FAAH2: variants seen among roughly 807,000 people sequenced by gnomAD.
FAAH2 encodes the protein fatty acid amide hydrolase 2.
A neutral mutation model predicts 36.9 loss-of-function variants in FAAH2; 60 were observed. The observed-to-expected ratio is 1.63, with a 90% CI of 1.32 to 2.02. The LOEUF (loss-of-function observed/expected upper bound fraction) is 2.02, where lower values mean the gene tolerates loss of function less well. FAAH2 is among the 30% of genes most tolerant of loss of function. The pLI is 0.00. For synonymous variants in FAAH2, 214 were observed against 143.8 expected, an observed-to-expected ratio of 1.49 and a Z score of -3.49; for missense variants, 689 against 397.5, an observed-to-expected ratio of 1.73 and a Z score of -6.23.
the FAAH2 span, among the ~76,000 whole-genome samples, chrX:57,149,478 A>C: frequency 2.7e-5 from 3 of 111,438 alleles, no homozygotes; most frequent in Non-Finnish European, 5.7e-5. Context: ...TTCCTGGTTT[A>C]GTCTTGGGAG....
At chrX:57,170,216 GTA>G in the FAAH2 span, among the ~76,000 whole-genome samples, 1 of 112,015 alleles carries the variant, frequency 8.9e-6, no homozygotes, top group Non-Finnish European at 1.9e-5. Context: ...GAGTCACAGA[GTA>G]TTTGTTGTTG....
At chrX:57,232,148 G>A in the FAAH2 span, among the ~76,000 whole-genome samples, 2 of 111,863 alleles carry the variant, frequency 1.8e-5, no homozygotes, top group Non-Finnish European at 3.8e-5. Flanking sequence ...GGAAGAAAGT[G>A]CTAGCCCCCT....
chrX:57,350,240 C>G (rs1164528939), intron 5 of FAAH2, among the ~76,000 whole-genome samples: 1 of 110,916 alleles, frequency 9.0e-6, no homozygotes, highest in African/African-American at 3.3e-5. Context: ...ATTGGCCCTA[C>G]AAGAAATGCT....
At chrX:57,274,085 AC>A in the FAAH2 span, among the ~76,000 whole-genome samples, 1 of 112,059 alleles carries the variant, frequency 8.9e-6, no homozygotes, top group Non-Finnish European at 1.9e-5. Context: ...GGATATCACC[AC>A]TGATCCCACA....
chrX:57,349,448 GATAC>G lies in FAAH2; in HGVS notation c.742+8062_742+8065del, dbSNP rs199824768. Among the ~76,000 whole-genome samples the G allele has an allele frequency of 7.7e-3, 711 of 92,442 alleles. 8 individuals carry two copies. The highest frequency in any genetic ancestry group is 0.027 in the African/African-American group (675 of 25,401). 80.3% of individuals were successfully genotyped at this position (92,442 alleles called of 115,157 possible). A position where few individuals can be genotyped will look rare whatever the true frequency, so the allele number is the denominator to read the frequency against. ...ACATATATATACATATATACACATA[GATAC>G]ATATATATACATACATGCATATATA... On this transcript the variant is annotated intron_variant, in intron 5 of 10. Coordinates refer to ENST00000374900, the MANE Select transcript of FAAH2 (RefSeq NM_174912.4).
intron 7 of FAAH2, among the ~76,000 whole-genome samples, chrX:57,383,397 T>A (rs375580538): frequency 9.8e-5 from 11 of 112,009 alleles, no homozygotes; most frequent in Non-Finnish European, 1.9e-4. Context: ...CCCTGTTTGC[T>A]GATGACATGA....
At chrX:57,203,050 C>T in the FAAH2 span, among the ~76,000 whole-genome samples, 1 of 111,795 alleles carries the variant, frequency 8.9e-6, no homozygotes. Context: ...GAGACCATAA[C>T]CCAGTGACGC....
intron 5 of FAAH2, among the ~76,000 whole-genome samples, chrX:57,349,324 T>G (rs1177054764): frequency 1.0e-5 from 1 of 97,098 alleles, no homozygotes; most frequent in African/African-American, 3.6e-5. Context: ...TATATACATA[T>G]ATACACATAT....
rs750788586 is a variant in FAAH2 at position 57,316,575 on chromosome X, A to G, written c.412+5846A>G. 3.6e-5 allele frequency among the ~76,000 whole-genome samples: 4 copies of G among 111,120 alleles called. No homozygotes were observed. The East Asian group carries it at 8.5e-4, about 24-fold the overall frequency. Reference sequence around the variant, plus strand: ...AAAACTCAGAAATAAAGTCACACACATACAACCATCTGATCTTTGTCAAGG... The same window carrying G: ...AAAACTCAGAAATAAAGTCACACACGTACAACCATCTGATCTTTGTCAAGG... On this transcript the variant is annotated intron_variant, in intron 3 of 10. Coordinates refer to ENST00000374900, the MANE Select transcript of FAAH2 (RefSeq NM_174912.4).
chrX:57,329,833 C>T (rs773694503), intron 3 of FAAH2, among the ~76,000 whole-genome samples: 1 of 111,366 alleles, frequency 9.0e-6, no homozygotes, highest in African/African-American at 3.3e-5. Flanking sequence ...TATTAGTTCC[C>T]CAAATTAATA....
the FAAH2 span, among the ~76,000 whole-genome samples, chrX:57,200,191 G>T: frequency 8.4e-5 from 9 of 107,772 alleles, no homozygotes; most frequent in East Asian, 2.6e-3. Context: ...TTTAATGAAG[G>T]TGAATTTTTC....
chrX:57,337,706 C>G (rs1383251021), intron 4 of FAAH2, among the ~76,000 whole-genome samples: 1 of 111,887 alleles, frequency 8.9e-6, no homozygotes, highest in Non-Finnish European at 1.9e-5. Context: ...ATTCAACATC[C>G]CTTTATGTTA....
intron 5 of FAAH2, among the ~76,000 whole-genome samples, chrX:57,357,709 G>A (rs1011285037): frequency 1.8e-5 from 2 of 111,740 alleles, no homozygotes; most frequent in Non-Finnish European, 3.8e-5. Flanking sequence ...AGGATGTGGA[G>A]AAATAGGAAT....
chrX:57,301,689 A>G (rs1305664038), intron 2 of FAAH2, among the ~76,000 whole-genome samples: 1 of 111,007 alleles, frequency 9.0e-6, no homozygotes, highest in Admixed American at 9.6e-5. Flanking sequence ...TGTGGCATAT[A>G]GAATACTTGT....
At chrX:57,333,797 A>G (rs1264370737) in intron 4 of FAAH2, among the ~76,000 whole-genome samples, 1 of 111,690 alleles carries the variant, frequency 9.0e-6, no homozygotes, top group Non-Finnish European at 1.9e-5. Context: ...CATATAATAC[A>G]CATATGTAAT....
chrX:57,452,283 T>C, intron 10 of FAAH2: 2 of 754,816 alleles, frequency 2.6e-6, no homozygotes, highest in African/African-American at 2.3e-5. Flanking sequence ...CATCCAGCAT[T>C]AGAGTGAAAC....
rs1317288002 is a variant in FAAH2, at chrX:57,376,497, T to C, written c.743-2154T>C. 2.7e-5 allele frequency among the ~76,000 whole-genome samples: 3 copies of C among 111,788 alleles called. No individual in the cohort carries two copies. The East Asian group carries it at 8.4e-4, about 31-fold the overall frequency. ...TGAGAACATGTGGTGTTTGGTTTTCTCTTCTTGTGATAGCTCGCTGAGAAT... is the reference window on the plus strand; with the variant it reads ...TGAGAACATGTGGTGTTTGGTTTTCCCTTCTTGTGATAGCTCGCTGAGAAT... On this transcript the variant is annotated intron_variant, in intron 5 of 10. Coordinates refer to ENST00000374900, the MANE Select transcript of FAAH2 (RefSeq NM_174912.4).
the FAAH2 span, among the ~76,000 whole-genome samples, chrX:57,203,584 A>C: frequency 8.9e-6 from 1 of 112,193 alleles, no homozygotes. Flanking sequence ...ACAGTGAGCT[A>C]CTTCTCGCAG....
At chrX:57,436,226 G>T (rs184879349) in intron 8 of FAAH2, among the ~76,000 whole-genome samples, 3 of 110,679 alleles carry the variant, frequency 2.7e-5, no homozygotes, top group Non-Finnish European at 5.7e-5. Context: ...AGTTCCCAAA[G>T]GGATGTTCAT....
Sources: gnomAD v4.1 joint callset for allele counts (sites outside exome capture counted in the v4.1 genomes callset) on GRCh38, gnomAD v4.1.1 for gene constraint, MANE v1.5 for transcripts, NCBI Gene and HGNC (gene_info 2026-07-23, HGNC 2026-07-21) for gene names.